The following HS3ST5 variants were observed in gnomAD, a reference collection of about 807,000 sequenced individuals.
HS3ST5 encodes the protein heparan sulfate-glucosamine 3-sulfotransferase 5, also known as heparan sulfate glucosamine 3-O-sulfotransferase 5.
A neutral mutation model predicts 25.4 loss-of-function variants in HS3ST5; 10 were observed. That is an observed-to-expected ratio of 0.39 (90% CI 0.24 to 0.67). The LOEUF (loss-of-function observed/expected upper bound fraction) is 0.67, where lower values mean the gene tolerates loss of function less well. HS3ST5 is among the 30% of genes least tolerant of loss of function. The probability of loss-of-function intolerance (pLI) is 0.44; values close to 1 mark genes in which losing one functional copy is unlikely to be tolerated. For synonymous variants in HS3ST5, 170 were observed against 162.4 expected, an observed-to-expected ratio of 1.05 and a Z score of -0.36; for missense variants, 324 against 420.7, an observed-to-expected ratio of 0.77 and a Z score of 2.01.
chr6:114,184,560 A>C (rs1359822849), intron 2 of HS3ST5, among the ~76,000 whole-genome samples: 1 of 152,246 alleles, frequency 6.6e-6, no homozygotes, highest in African/African-American at 2.4e-5. Context: ...GAGATTTTTC[A>C]CTATGAACAG....
At chr6:114,134,656 AG>A (rs1294515370) in intron 3 of HS3ST5, among the ~76,000 whole-genome samples, 1 of 152,174 alleles carries the variant, frequency 6.6e-6, no homozygotes, top group Non-Finnish European at 1.5e-5. Flanking sequence ...ATGGAGAATC[AG>A]TTTTTTAAAA....
intron 1 of HS3ST5, among the ~76,000 whole-genome samples, chr6:114,309,274 T>A (rs1274190763): frequency 6.6e-6 from 1 of 152,226 alleles, no homozygotes; most frequent in East Asian, 1.9e-4. Flanking sequence ...ATACTTAAAG[T>A]ACAAATAGAG....
chr6:114,241,139 T>G (rs1019289921), intron 1 of HS3ST5, among the ~76,000 whole-genome samples: 2,690 of 150,696 alleles, frequency 0.018, 96 homozygotes, highest in African/African-American at 0.061. Flanking sequence ...TCAGTTTTTT[T>G]TTTTTTTTTT....
intron 2 of HS3ST5, among the ~76,000 whole-genome samples, chr6:114,180,599 T>C (rs549694622): frequency 6.6e-6 from 1 of 152,276 alleles, no homozygotes; most frequent in Admixed American, 6.5e-5. Context: ...ACTGCTGGCT[T>C]CCCGGCTTCT....
At chr6:114,072,315 G>T (rs1773869783) in intron 3 of HS3ST5, among the ~76,000 whole-genome samples, 1 of 151,972 alleles carries the variant, frequency 6.6e-6, no homozygotes, top group Non-Finnish European at 1.5e-5. Context: ...AATTGAAAAA[G>T]CTCTTTTTAT....
Position 114,090,663 on chromosome 6 carries a change from T to C in HS3ST5, c.-32-27786A>G, listed in dbSNP as rs537626694. On this transcript the variant is annotated intron_variant, in intron 3 of 4. Coordinates refer to ENST00000312719, the MANE Select transcript of HS3ST5 (RefSeq NM_153612.4). ...CTTCTCCCATTTCCTTTTTGGGTACTATGGATAGTTTGCAAAAAAATGCCA... is the reference window on the plus strand; with the variant it reads ...CTTCTCCCATTTCCTTTTTGGGTACCATGGATAGTTTGCAAAAAAATGCCA... 4.1e-4 allele frequency among the ~76,000 whole-genome samples: 63 copies of C among 152,356 alleles called. 1 individual carries two copies. In the South Asian group the frequency reaches 0.013, roughly 32 times the overall value.
chr6:114,093,358 TGTGTGTGTGTGTGTG>T (rs1562194047), intron 3 of HS3ST5, among the ~76,000 whole-genome samples: 8 of 69,054 alleles, frequency 1.2e-4, no homozygotes, highest in East Asian at 4.4e-4. Context: ...TTTGTTTGTG[TGTGTGTGTGTGTGTG>T]TGTGTGTGTG....
At chr6:114,308,882 G>T (rs1365154939) in intron 1 of HS3ST5, among the ~76,000 whole-genome samples, 1 of 152,172 alleles carries the variant, frequency 6.6e-6, no homozygotes, top group African/African-American at 2.4e-5. Flanking sequence ...AGACACAGTT[G>T]TCCTTGATGG....
Position 114,246,523 on chromosome 6 carries a change from G to A in HS3ST5, c.-338-17745C>T, listed in dbSNP as rs553112504. Among the ~76,000 whole-genome samples, 13 of 152,302 alleles carry A rather than the reference G, an allele frequency of 8.5e-5. No homozygotes were observed. The South Asian group carries it at 2.7e-3, about 32-fold the overall frequency. On this transcript the variant is annotated intron_variant, in intron 1 of 4. Coordinates refer to ENST00000312719, the MANE Select transcript of HS3ST5 (RefSeq NM_153612.4). ...ACAACTGGCTCTTGTACTCGGTTCA[G>A]CTTTAAAAGACAATAAGCTTGTCTG...
At position 114,286,028 on chromosome 6, in the gene HS3ST5, CA is replaced by C. The variant is rs562758874; in HGVS notation, c.-339+56166del. Among the ~76,000 whole-genome samples the C allele has an allele frequency of 5.6e-4, 85 of 151,600 alleles. No homozygotes were observed. In the East Asian group the frequency reaches 0.015, roughly 27 times the overall value. On this transcript the variant is annotated intron_variant, in intron 1 of 4. Coordinates refer to ENST00000312719, the MANE Select transcript of HS3ST5 (RefSeq NM_153612.4). ...TGGAAAGATAATGAAAAGATATATG[CA>C]AAAACTGTCTAATGCCATAATCTCT...
At chr6:114,120,106 T>C (rs975413543) in intron 3 of HS3ST5, among the ~76,000 whole-genome samples, 1 of 152,046 alleles carries the variant, frequency 6.6e-6, no homozygotes, top group African/African-American at 2.4e-5. Context: ...GATCGTGCCA[T>C]TGCACTCTAG....
chr6:114,149,234 T>G (rs1286542032), intron 3 of HS3ST5, among the ~76,000 whole-genome samples: 2 of 152,228 alleles, frequency 1.3e-5, no homozygotes, highest in African/African-American at 4.8e-5. Context: ...TTACTGGGTA[T>G]ATACCCAAAG....
chr6:114,248,208 G>GAA (rs386408321), intron 1 of HS3ST5, among the ~76,000 whole-genome samples: 1,496 of 135,946 alleles, frequency 0.011, 21 homozygotes, highest in African/African-American at 0.035. Context: ...CTCAAAAAAT[G>GAA]AAAAAAAAAA....
intron 2 of HS3ST5, among the ~76,000 whole-genome samples, chr6:114,203,094 C>T (rs1026597013): frequency 1.3e-5 from 2 of 152,162 alleles, no homozygotes; most frequent in Non-Finnish European, 2.9e-5. Context: ...GTACATTTCA[C>T]GTTAACTTAA....
chr6:114,246,003 A>G (rs1772362559), intron 1 of HS3ST5, among the ~76,000 whole-genome samples: 1 of 152,222 alleles, frequency 6.6e-6, no homozygotes, highest in African/African-American at 2.4e-5. Flanking sequence ...TGAAGCTTAA[A>G]TGGTGGAGCA....
chr6:114,285,902 G>C (rs932570453), intron 1 of HS3ST5, among the ~76,000 whole-genome samples: 7 of 151,926 alleles, frequency 4.6e-5, no homozygotes, highest in African/African-American at 1.7e-4. Context: ...GAAGTCAATT[G>C]CTAATGACTT....
Position 114,057,269 on chromosome 6 carries a change from C to G in HS3ST5, c.1029G>C (p.Leu343Phe). ...ATGACATATTATTTTAGGGCCAGTT[C>G]AATGTCCTCCCAGTGATCTGGTAAA... is the stretch of plus-strand genomic sequence containing the variant. ...QKFYQITGRT[L>F]NWP The change falls in exon 5 of 5, where the codon TTG (leucine) becomes TTC (phenylalanine). Residue 343 changes from leucine to phenylalanine, a missense_variant. Transcript: ENST00000312719. 1.2e-6 allele frequency: 2 copies of G among 1,611,684 alleles called. No homozygotes were observed. The highest frequency in any genetic ancestry group is 8.5e-7 in the Non-Finnish European group (1 of 1,178,194).
At chr6:114,304,088 A>T (rs1775193242) in intron 1 of HS3ST5, among the ~76,000 whole-genome samples, 1 of 152,072 alleles carries the variant, frequency 6.6e-6, no homozygotes, top group African/African-American at 2.4e-5. Context: ...GAGAAATACA[A>T]GATGTCAGAA....
intron 2 of HS3ST5, among the ~76,000 whole-genome samples, chr6:114,200,700 AT>A: frequency 6.6e-6 from 1 of 152,260 alleles, no homozygotes; most frequent in Admixed American, 6.5e-5. Context: ...GATTTATAGT[AT>A]TCTATTTAAG....
Sources: gnomAD v4.1 joint callset for allele counts (sites outside exome capture counted in the v4.1 genomes callset) on GRCh38, gnomAD v4.1.1 for gene constraint, MANE v1.5 for transcripts, NCBI Gene and HGNC (gene_info 2026-07-23, HGNC 2026-07-21) for gene names.